Variants in TRAF3 observed in about 807,000 individuals in gnomAD.
The protein encoded by TRAF3 is TNF receptor-associated factor 3.
TRAF3 carries 13 observed loss-of-function variants against 62.3 expected under a neutral mutation model. The ratio of observed to expected loss-of-function variants is 0.21; its 90% CI spans 0.14 to 0.33. The LOEUF is 0.33. TRAF3 is among the 10% of genes least tolerant of loss of function. The pLI, the probability that TRAF3 is intolerant of heterozygous loss-of-function variation, is 1.00. For missense variants in TRAF3, 440 were observed against 741.8 expected (o/e 0.59, Z 4.73); for synonymous variants, 269 against 283.4 (o/e 0.95, Z 0.51).
At chr14:102,844,695 G>T (rs1320887296) in intron 2 of TRAF3, among the ~76,000 whole-genome samples, 1 of 152,160 alleles carries the variant, frequency 6.6e-6, no homozygotes, top group African/African-American at 2.4e-5. Flanking sequence ...ATTGCCAGAT[G>T]TAAAATTTCA....
intron 6 of TRAF3, among the ~76,000 whole-genome samples, chr14:102,878,890 G>A (rs975369966): frequency 6.6e-6 from 1 of 152,160 alleles, no homozygotes; most frequent in Non-Finnish European, 1.5e-5. Context: ...TTGCTGGGGT[G>A]GGGGAAGGTT....
intron 8 of TRAF3, among the ~76,000 whole-genome samples, chr14:102,890,840 C>G (rs959943016): frequency 6.6e-6 from 1 of 152,164 alleles, no homozygotes; most frequent in Non-Finnish European, 1.5e-5. Context: ...TGAACTAATA[C>G]ATTAATACTT....
chr14:102,779,182 G>A (rs1384001311), intron 1 of TRAF3, among the ~76,000 whole-genome samples: 1 of 150,436 alleles, frequency 6.6e-6, no homozygotes, highest in African/African-American at 2.5e-5. Context: ...GGGTTAAGAT[G>A]TAAGGTGTCT....
intron 1 of TRAF3, among the ~76,000 whole-genome samples, chr14:102,782,043 C>T (rs997314593): frequency 1.3e-5 from 2 of 152,134 alleles, no homozygotes; most frequent in South Asian, 2.1e-4. Flanking sequence ...ATCCACCTGC[C>T]TCGGCCTCCC....
intron 1 of TRAF3, among the ~76,000 whole-genome samples, chr14:102,798,320 C>A (rs1898211803): frequency 6.6e-6 from 1 of 151,348 alleles, no homozygotes; most frequent in South Asian, 2.1e-4. Context: ...CTCTCAGTCT[C>A]AAGTGATCCT....
At chr14:102,802,891 C>T (rs1306372632) in intron 1 of TRAF3, among the ~76,000 whole-genome samples, 1 of 152,128 alleles carries the variant, frequency 6.6e-6, no homozygotes, top group Non-Finnish European at 1.5e-5. Context: ...TTAATTGACT[C>T]ACAGTTCAGC....
intron 2 of TRAF3, among the ~76,000 whole-genome samples, chr14:102,838,895 A>T (rs182198815): frequency 2.6e-5 from 4 of 152,352 alleles, no homozygotes; most frequent in Admixed American, 2.6e-4. Flanking sequence ...CTTAAATTTC[A>T]TAATCTTCAT....
intron 11 of TRAF3, among the ~76,000 whole-genome samples, chr14:102,904,828 AGAG>A (rs1890501724): frequency 7.9e-6 from 1 of 127,024 alleles, no homozygotes; most frequent in East Asian, 2.3e-4. Context: ...AAAAAAAAAA[AGAG>A]CCAGGCACGG....
At chr14:102,817,420 G>C (rs1015678806) in intron 1 of TRAF3, among the ~76,000 whole-genome samples, 2 of 152,052 alleles carry the variant, frequency 1.3e-5, no homozygotes, top group African/African-American at 2.4e-5. Flanking sequence ...GGGGGTGCTG[G>C]GGACACATTA....
intron 2 of TRAF3, among the ~76,000 whole-genome samples, chr14:102,832,131 A>G (rs536370662): frequency 6.6e-6 from 1 of 151,846 alleles, no homozygotes; most frequent in African/African-American, 2.4e-5. Flanking sequence ...TATATTTATC[A>G]TGTACAACAT....
chr14:102,820,321 C>G (rs1899816147), intron 1 of TRAF3, among the ~76,000 whole-genome samples: 1 of 151,944 alleles, frequency 6.6e-6, no homozygotes, highest in African/African-American at 2.4e-5. Flanking sequence ...CCAGGTGATG[C>G]TGCAGACCAG....
In TRAF3 at chr14:102,905,328, G is replaced by T. The variant is rs781327389; in HGVS notation, c.1251G>T (p.Val417=). ...QVLETASYNG[V]LIWKIRDYKR... is the part of the protein sequence containing the mutation. The stretch of plus-strand genomic sequence containing the variant: ...TGGAGACCGCCAGCTACAATGGAGT[G>T]CTCATCTGGAAGATTCGCGACTACA... Residue 417 remains valine, a synonymous_variant, in exon 12 of 12, where the codon GTG becomes GTT. Transcript: ENST00000392745. The T allele has an allele frequency of 1.7e-5, 27 of 1,614,236 alleles. No homozygotes were observed. In the Admixed American group the frequency reaches 4.5e-4, roughly 27 times the overall value.
chr14:102,843,429 C>T (rs1299492461), intron 2 of TRAF3, among the ~76,000 whole-genome samples: 1 of 150,570 alleles, frequency 6.6e-6, no homozygotes, highest in Non-Finnish European at 1.5e-5. Context: ...TCTCTGTCTC[C>T]CGGGCTCAAG....
chr14:102,857,847 A>C (rs572351091), intron 2 of TRAF3, among the ~76,000 whole-genome samples: 2 of 152,362 alleles, frequency 1.3e-5, no homozygotes, highest in East Asian at 3.9e-4. Flanking sequence ...CACTTGTGCA[A>C]ATAACTATAT....
Position 102,871,958 on chromosome 14 carries a change from TTAAAGA to T in TRAF3, c.291_296del (p.Asp98_Lys99del), listed in dbSNP as rs1389853778. ...TGTACAGCGTGTCAAGAGAGCATCG[TTAAAGA>T]TAAGGTATTCTGGGGTTTTTTTTAA... On this transcript the variant is annotated inframe_deletion, in exon 4 of 12. Transcript: ENST00000392745. 2 of 1,614,072 alleles carry T rather than the reference TTAAAGA, an allele frequency of 1.2e-6. No individual in the cohort carries two copies. The highest frequency in any genetic ancestry group is 1.7e-5 in the Admixed American group (1 of 60,006).
Position 102,903,637 on chromosome 14 carries a change from C to G in TRAF3, c.1135+208C>G. The G allele has an allele frequency of 2.7e-6, 2 of 746,502 alleles. No individual in the cohort carries two copies. Among genetic ancestry groups the G allele is most frequent in the East Asian group, 5.7e-5 (2 of 35,074 alleles). 46.2% of individuals were successfully genotyped at this position (746,502 alleles called of 1,614,324 possible). A position where few individuals can be genotyped will look rare whatever the true frequency, so the allele number is the denominator to read the frequency against. Reference sequence around the variant, plus strand: ...GTTTCCCGCGCAGGCTTGTCCCCTCCGTGTGAGGCCCTACATGGTGTAGAA... The same window carrying G: ...GTTTCCCGCGCAGGCTTGTCCCCTCGGTGTGAGGCCCTACATGGTGTAGAA... On this transcript the variant is annotated intron_variant, in intron 11 of 11. Transcript: ENST00000392745. The surrounding 1 kb of genome is among the most constrained non-coding windows in gnomAD (Gnocchi z 6.4).
intron 2 of TRAF3, among the ~76,000 whole-genome samples, chr14:102,842,804 A>G (rs557869263): frequency 2.0e-5 from 3 of 152,354 alleles, no homozygotes; most frequent in South Asian, 4.1e-4. Context: ...ACCAGAAGAC[A>G]ACAGAGCAAC....
At chr14:102,796,536 TGGG>T (rs1012312163) in intron 1 of TRAF3, among the ~76,000 whole-genome samples, 23 of 152,126 alleles carry the variant, frequency 1.5e-4, no homozygotes, top group African/African-American at 5.6e-4. Context: ...GAAGTGGGGA[TGGG>T]GGGTGGACAG....
intron 10 of TRAF3, among the ~76,000 whole-genome samples, chr14:102,900,953 T>C (rs563029743): frequency 3.3e-5 from 5 of 152,354 alleles, no homozygotes; most frequent in Admixed American, 6.5e-5. Flanking sequence ...TAGACCGTTC[T>C]TCAAGGATGA....
Sources: allele counts gnomAD v4.1 joint callset (sites outside exome capture counted in the v4.1 genomes callset), GRCh38; gene constraint gnomAD v4.1.1; non-coding constraint Gnocchi (gnomAD v3.1); transcripts MANE v1.5; gene names NCBI Gene and HGNC (gene_info 2026-07-23, HGNC 2026-07-21).